Variants in FAM13B observed in about 807,000 individuals in gnomAD.
FAM13B encodes the protein protein FAM13B.
FAM13B carries 60 observed loss-of-function variants against 117.3 expected under a neutral mutation model. That is an observed-to-expected ratio of 0.51 (90% CI 0.42 to 0.63). FAM13B has a LOEUF of 0.63. Ranked by LOEUF, FAM13B falls within the 30% of genes least tolerant of loss-of-function variation. The pLI is 0.00. For synonymous variants in FAM13B, 332 were observed against 356.1 expected (o/e 0.93, Z 0.76); for missense variants, 972 against 1,091.9 (o/e 0.89, Z 1.55).
chr5:138,049,099 G>A (rs1412619194), intron 1 of FAM13B, among the ~76,000 whole-genome samples: 3 of 151,954 alleles, frequency 2.0e-5, no homozygotes, highest in East Asian at 3.9e-4. Flanking sequence ...GCGCCACCGC[G>A]CCCAGCTAAT....
rs571956785 is a variant in FAM13B at position 137,958,593 on chromosome 5, C to G, written c.1441+1023G>C. On this transcript the variant is annotated intron_variant, in intron 13 of 23. Coordinates refer to ENST00000689681, the MANE Select transcript of FAM13B (RefSeq NM_001385994.1). The stretch of plus-strand genomic sequence containing the variant: ...CAGATACTTGCCAAAGGTGAGACAA[C>G]CCAGGGATCTTCATCCAAGTGAATG... Among the ~76,000 whole-genome samples, 10 of 152,298 alleles carry G rather than the reference C, an allele frequency of 6.6e-5. No individual in the cohort carries two copies. In the East Asian group the frequency reaches 7.7e-4, roughly 12 times the overall value.
intron 4 of FAM13B, among the ~76,000 whole-genome samples, chr5:138,012,994 A>G (rs899893361): frequency 1.3e-5 from 2 of 149,616 alleles, no homozygotes; most frequent in South Asian, 4.3e-4. Flanking sequence ...ACCTGAGCTC[A>G]GGAGTTCGAG....
chr5:138,013,152 G>A (rs192829432), intron 4 of FAM13B, among the ~76,000 whole-genome samples: 135 of 151,704 alleles, frequency 8.9e-4, no homozygotes, highest in African/African-American at 3.1e-3. Flanking sequence ...GCAGTAAGCC[G>A]AGATCGTGCC....
intron 17 of FAM13B, among the ~76,000 whole-genome samples, chr5:137,951,970 C>CT: frequency 6.6e-6 from 1 of 152,132 alleles, no homozygotes; most frequent in East Asian, 1.9e-4. Context: ...GAGTGAGACT[C>CT]TGTCTCGAAA....
At chr5:138,038,259 G>A (rs533634993) in intron 1 of FAM13B, among the ~76,000 whole-genome samples, 1 of 152,198 alleles carries the variant, frequency 6.6e-6, no homozygotes, top group South Asian at 2.1e-4. Context: ...GTAAGTTACA[G>A]TAAATACAAG....
chr5:138,028,183 G>A (rs977737155), intron 1 of FAM13B, among the ~76,000 whole-genome samples: 1 of 152,068 alleles, frequency 6.6e-6, no homozygotes, highest in Admixed American at 6.5e-5. Flanking sequence ...GGGCTCTATT[G>A]CTTAAAAGAT....
intron 14 of FAM13B, 129 bp from the exon 15 acceptor site, chr5:137,954,505 TACACACAC>T (rs111423475): frequency 1.9e-5 from 8 of 416,830 alleles, no homozygotes; most frequent in East Asian, 8.5e-5. Context: ...CATACACACA[TACACACAC>T]ACACACACAC....
At chr5:137,975,733 T>C (rs910863107) in intron 10 of FAM13B, among the ~76,000 whole-genome samples, 2 of 152,140 alleles carry the variant, frequency 1.3e-5, no homozygotes, top group East Asian at 1.9e-4. Context: ...TATTTAGGAA[T>C]AGTCACTCAA....
At chr5:138,034,269 T>G (rs563263992), upstream of FAM13B, among the ~76,000 whole-genome samples, 11 of 152,366 alleles carry the variant, frequency 7.2e-5, no homozygotes, top group East Asian at 2.1e-3. Context: ...TAATTCAGAT[T>G]CACTCACTCA....
chr5:138,001,575 T>C (rs1781272981), intron 7 of FAM13B, among the ~76,000 whole-genome samples: 2 of 152,216 alleles, frequency 1.3e-5, no homozygotes, highest in African/African-American at 4.8e-5. Context: ...GCAGGCACTA[T>C]CCTAAGTGTT....
In FAM13B at chr5:137,973,758, G is replaced by GA. The variant is rs1459445596; in HGVS notation, c.1180-11290dup. Among the ~76,000 whole-genome samples, 4 of 136,670 alleles carry GA rather than the reference G, an allele frequency of 2.9e-5. No homozygotes were observed. In the East Asian group the frequency reaches 6.7e-4, roughly 23 times the overall value. 89.7% of individuals were successfully genotyped at this position (136,670 alleles called of 152,430 possible). A position where few individuals can be genotyped will look rare whatever the true frequency, so the allele number is the denominator to read the frequency against. On this transcript the variant is annotated intron_variant, in intron 10 of 23. Coordinates refer to ENST00000689681, the MANE Select transcript of FAM13B (RefSeq NM_001385994.1). ...ACAATGAACTCAAACAAATTTACAA[G>GA]AAAAAAACAAACAACCCCATCAAAA...
Position 138,030,718 on chromosome 5 carries a change from C to A in FAM13B, c.-203+2064G>T, listed in dbSNP as rs566778691. Among the ~76,000 whole-genome samples, 19 of 143,796 alleles carry A rather than the reference C, an allele frequency of 1.3e-4. 1 individual carries two copies. In the East Asian group the frequency reaches 2.8e-3, roughly 21 times the overall value. The allele number at this position is 143,796 out of a possible 152,430, so 94.3% of individuals were successfully genotyped here. ...AACAAGAATGAAACTCCGTCCCCCC[C>A]CCCCAAAAAAAAAAATTGAACGTAA... On this transcript the variant is annotated intron_variant, in intron 1 of 23. Coordinates refer to ENST00000689681, the MANE Select transcript of FAM13B (RefSeq NM_001385994.1).
At chr5:138,012,416 AAAG>A in intron 4 of FAM13B, among the ~76,000 whole-genome samples, 1 of 152,168 alleles carries the variant, frequency 6.6e-6, no homozygotes, top group East Asian at 1.9e-4. Context: ...ATGAAAGTAA[AAAG>A]AAGGAAAGAA....
chr5:137,990,993 G>A (rs1207345086), intron 7 of FAM13B, among the ~76,000 whole-genome samples: 1 of 152,092 alleles, frequency 6.6e-6, no homozygotes, highest in Admixed American at 6.6e-5. Flanking sequence ...CAGAAAGTCT[G>A]AGACTCTATC....
chr5:138,032,718 G>A, intron 1 of FAM13B, 64 bp downstream of exon 1: 1 of 985,718 alleles, frequency 1.0e-6, no homozygotes, highest in Non-Finnish European at 1.2e-6. Flanking sequence ...CAACAGGAGG[G>A]GAAGGGCCGC....
At chr5:138,001,195 G>A (rs1221795805) in intron 7 of FAM13B, among the ~76,000 whole-genome samples, 1 of 152,036 alleles carries the variant, frequency 6.6e-6, no homozygotes, top group Non-Finnish European at 1.5e-5. Flanking sequence ...TACTTTCCTA[G>A]GCTACTTCTG....
intron 11 of FAM13B, 34 bp from the exon 12 acceptor site, chr5:137,960,248 G>A (rs1156561560): frequency 8.2e-7 from 1 of 1,213,984 alleles, no homozygotes; most frequent in Non-Finnish European, 1.2e-6. Flanking sequence ...AGTATATTAA[G>A]AATAAAAAGG....
chr5:138,049,409 G>T (rs1342276548), intron 1 of FAM13B, among the ~76,000 whole-genome samples: 1 of 152,086 alleles, frequency 6.6e-6, no homozygotes, highest in Non-Finnish European at 1.5e-5. Flanking sequence ...GAGTAGCTGG[G>T]ACTACAGGCG....
intron 10 of FAM13B, among the ~76,000 whole-genome samples, chr5:137,982,483 C>T (rs1462326139): frequency 6.6e-6 from 1 of 151,976 alleles, no homozygotes; most frequent in Non-Finnish European, 1.5e-5. Context: ...GATTGTGCCA[C>T]TGCTCCAGCC....
Sources: allele counts gnomAD v4.1 joint callset (sites outside exome capture counted in the v4.1 genomes callset), GRCh38; gene constraint gnomAD v4.1.1; transcripts MANE v1.5; gene names NCBI Gene and HGNC (gene_info 2026-07-23, HGNC 2026-07-21).